The following COL6A6 variants were observed in gnomAD, a reference collection of about 807,000 sequenced individuals.
The protein encoded by COL6A6 is collagen alpha-6(VI) chain.
COL6A6 carries 183 observed loss-of-function variants against 208.6 expected under a neutral mutation model. The ratio of observed to expected loss-of-function variants is 0.88; its 90% CI spans 0.78 to 0.99. COL6A6 has a LOEUF of 0.99. Ranked by LOEUF, COL6A6 falls within the 50% of genes least tolerant of loss-of-function variation. The pLI is 0.00. For missense variants in COL6A6, 2,816 were observed against 2,815.2 expected (o/e 1.00, Z -0.01); for synonymous variants, 973 against 1,011.8 (o/e 0.96, Z 0.73).
rs373060100 is a variant in COL6A6 at position 130,562,557 on chromosome 3, T to G, written c.65-511T>G. Among the ~76,000 whole-genome samples, 31 of 152,332 alleles carry G rather than the reference T, an allele frequency of 2.0e-4. 1 individual carries two copies. In the South Asian group the frequency reaches 6.4e-3, roughly 32 times the overall value. On this transcript the variant is annotated intron_variant, in intron 2 of 36. Coordinates refer to ENST00000358511, the MANE Select transcript of COL6A6 (RefSeq NM_001102608.3). ...TTGGAATGTACAACTTATATGGTTT[T>G]AAGTTAATCAGATAAACTGTTGTGT... is the stretch of plus-strand genomic sequence containing the variant.
In COL6A6 at chr3:130,675,430, A is replaced by G; in HGVS notation, c.*33A>G. ...CTTGAACAACTTAGCCTTAGGAAGC[A>G]TGGTAAGACTCTGGACTTAAATAGT... On this transcript the variant is annotated 3_prime_UTR_variant, in exon 37 of 37. Transcript: ENST00000358511. 6.8e-7 allele frequency: 1 copy of G among 1,469,064 alleles called. No individual in the cohort carries two copies. Among genetic ancestry groups the G allele is most frequent in the Non-Finnish European group, 9.1e-7 (1 of 1,093,080 alleles). The allele number at this position is 1,469,064 out of a possible 1,614,324, so 91.0% of individuals were successfully genotyped here.
intron 18 of COL6A6, among the ~76,000 whole-genome samples, chr3:130,597,039 T>C (rs985189587): frequency 6.6e-6 from 1 of 152,232 alleles, no homozygotes; most frequent in Admixed American, 6.5e-5. Flanking sequence ...TGTTCTGTTC[T>C]GTAAAATGTG....
chr3:130,645,129 G>A, intron 32 of COL6A6, 127 bp downstream of exon 32: 3 of 851,498 alleles, frequency 3.5e-6, no homozygotes, highest in East Asian at 2.4e-5. Context: ...CTTTGCTGCT[G>A]CCTCATACTG....
At chr3:130,575,841 C>A (rs1216781420) in intron 8 of COL6A6, among the ~76,000 whole-genome samples, 2 of 152,168 alleles carry the variant, frequency 1.3e-5, no homozygotes, top group Admixed American at 1.3e-4. Context: ...ACCTCCTGCC[C>A]CACATCATCA....
At chr3:130,523,322 C>A (rs1711187075) in intron 1 of COL6A6, among the ~76,000 whole-genome samples, 1 of 152,184 alleles carries the variant, frequency 6.6e-6, no homozygotes, top group Non-Finnish European at 1.5e-5. Flanking sequence ...TGGATCCCCA[C>A]AATAGCCTGG....
chr3:130,552,905 A>G (rs115277011), intron 1 of COL6A6, among the ~76,000 whole-genome samples: 4,280 of 152,294 alleles, frequency 0.028, 194 homozygotes, highest in African/African-American at 0.095. Context: ...TCCTTTATGA[A>G]GATTCATTTA....
intron 31 of COL6A6, among the ~76,000 whole-genome samples, chr3:130,644,256 A>G (rs375958777): frequency 3.3e-5 from 5 of 152,252 alleles, no homozygotes; most frequent in South Asian, 4.1e-4. Context: ...GGACCCCTGC[A>G]AGAGAGAAGT....
rs1286783675 is a variant in COL6A6, at chr3:130,570,936, T to C, written c.2520T>C (p.Asp840=). 6.2e-7 allele frequency: 1 copy of C among 1,614,038 alleles called. No homozygotes were observed. The highest frequency in any genetic ancestry group is 8.5e-7 in the Non-Finnish European group (1 of 1,179,890). ...TGATTGGCTTAGTGAAAAAAGCTGA[T>C]GTGGGCAAGAATCAGGTCCGGTTTG... The part of the protein sequence containing the change: ...DFMIGLVKKA[D]VGKNQVRFGA... Residue 840 remains aspartate, a synonymous_variant, in exon 7 of 37, where the codon GAT becomes GAC. Transcript: ENST00000358511.
At position 130,565,048 on chromosome 3, in the gene COL6A6, A is replaced by G. The variant is rs2062981979; in HGVS notation, c.716A>G (p.Asn239Ser). ...GTGTTCCTATTGGATATGTCAATCA[A>G]TGGAAGTGAGGAGAACTTTGACTAT... ...DVVFLLDMSI[N>S]GSEENFDYLK... Residue 239 changes from asparagine to serine, a missense_variant, in exon 4 of 37, where the codon AAT becomes AGT. Coordinates refer to ENST00000358511, the MANE Select transcript of COL6A6 (RefSeq NM_001102608.3). The G allele has an allele frequency of 6.2e-7, 1 of 1,613,856 alleles. No individual in the cohort carries two copies. The highest frequency in any genetic ancestry group is 1.7e-5 in the Admixed American group (1 of 60,014).
At chr3:130,673,220 A>AAAAC (rs2066272190) in intron 36 of COL6A6, among the ~76,000 whole-genome samples, 1 of 129,638 alleles carries the variant, frequency 7.7e-6, no homozygotes, top group African/African-American at 2.9e-5. Context: ...AAAAAAACAA[A>AAAAC]AAAAAAAAAC....
chr3:130,665,592 G>A (rs142757801), intron 36 of COL6A6, among the ~76,000 whole-genome samples: 319 of 152,238 alleles, frequency 2.1e-3, no homozygotes, highest in Admixed American at 4.0e-3. Flanking sequence ...TAAGTTGAAC[G>A]TTAGAAAGTA....
intron 1 of COL6A6, among the ~76,000 whole-genome samples, chr3:130,558,575 C>T (rs2062816009): frequency 6.6e-6 from 1 of 152,134 alleles, no homozygotes; most frequent in Non-Finnish European, 1.5e-5. Context: ...TTTCCAAATC[C>T]TCGCTTCTCT....
At position 130,571,311 on chromosome 3, in the gene COL6A6, G is replaced by A. The variant is rs763178507; in HGVS notation, c.2895G>A (p.Lys965=). 1.9e-6 allele frequency: 3 copies of A among 1,613,818 alleles called. No homozygotes were observed. Among genetic ancestry groups the A allele is most frequent in the African/African-American group, 1.3e-5 (1 of 75,060 alleles). ...TAGCCATGGCAGGATCAAGCGACAAGTACTTCTTCGTGGAGACTTTTGGAG... is the reference window on the plus strand; with the variant it reads ...TAGCCATGGCAGGATCAAGCGACAAATACTTCTTCGTGGAGACTTTTGGAG... ...ELLAMAGSSD[K]YFFVETFGGL... Residue 965 remains lysine (K), a synonymous_variant, in exon 7 of 37, where the codon AAG becomes AAA. Transcript: ENST00000358511.
chr3:130,635,819 G>A, intron 28 of COL6A6, 58 bp downstream of exon 28: 1 of 1,240,970 alleles, frequency 8.1e-7, no homozygotes, highest in Non-Finnish European at 1.2e-6. Context: ...GTCCTCCTTT[G>A]TGCATTTACA....
intron 1 of COL6A6, among the ~76,000 whole-genome samples, chr3:130,524,450 C>T (rs1299700480): frequency 6.6e-6 from 1 of 152,110 alleles, no homozygotes; most frequent in African/African-American, 2.4e-5. Flanking sequence ...TTTTGGAATA[C>T]ATAGTCACTT....
At chr3:130,638,137 A>T (rs1000841716) in intron 28 of COL6A6, among the ~76,000 whole-genome samples, 1 of 142,822 alleles carries the variant, frequency 7.0e-6, no homozygotes, top group Admixed American at 7.0e-5. Flanking sequence ...TTGTTATATT[A>T]AAAAAAAAAA....
intron 24 of COL6A6, among the ~76,000 whole-genome samples, chr3:130,623,516 C>T (rs2064798015): frequency 6.6e-6 from 1 of 152,170 alleles, no homozygotes; most frequent in African/African-American, 2.4e-5. Flanking sequence ...AGTTGGTACA[C>T]TCTTATAGTC....
At chr3:130,599,154 A>T (rs1011644593) in intron 19 of COL6A6, among the ~76,000 whole-genome samples, 1 of 152,174 alleles carries the variant, frequency 6.6e-6, no homozygotes, top group African/African-American at 2.4e-5. Context: ...GAAGGTCATG[A>T]TGGGAATTAA....
Position 130,567,151 on chromosome 3 carries a change from A to T in COL6A6, c.1732A>T (p.Thr578Ser). ...YAIGIKEANQTQLREIAGEEK... is the reference protein window; with the variant it reads ...YAIGIKEANQSQLREIAGEEK... ...TATCGGGATCAAGGAGGCCAACCAA[A>T]CACAGCTGAGAGAAATTGCAGGAGA... Residue 578 changes from threonine (T) to serine (S), a missense_variant, in exon 5 of 37, where the codon ACA becomes TCA. By Grantham distance (58) the Thr-to-Ser change is moderately conservative. Transcript: ENST00000358511. 1 of 1,613,950 alleles carries T rather than the reference A, an allele frequency of 6.2e-7. No homozygotes were observed. Among genetic ancestry groups the T allele is most frequent in the Non-Finnish European group, 8.5e-7 (1 of 1,179,874 alleles).
Sources: allele counts gnomAD v4.1 joint callset (sites outside exome capture counted in the v4.1 genomes callset), GRCh38; gene constraint gnomAD v4.1.1; transcripts MANE v1.5; gene names NCBI Gene and HGNC (gene_info 2026-07-23, HGNC 2026-07-21).